The following ZNF782 variants were observed in gnomAD, a reference collection of about 807,000 sequenced individuals.
ZNF782 encodes zinc finger protein 782.
In ZNF782, 12 loss-of-function variants were observed where a neutral mutation model predicts 13.0. The ratio of observed to expected loss-of-function variants is 0.92; its 90% CI spans 0.59 to 1.50. The LOEUF is 1.50. ZNF782 is among the 40% of genes most tolerant of loss of function. The pLI, the probability that ZNF782 is intolerant of heterozygous loss-of-function variation, is 0.00. For synonymous variants in ZNF782, 284 were observed against 283.0 expected, an observed-to-expected ratio of 1.00 and a Z score of -0.04; for missense variants, 770 against 822.9, an observed-to-expected ratio of 0.94 and a Z score of 0.79.
At chr9:96,822,717 C>A (rs1850468280) in intron 5 of ZNF782, among the ~76,000 whole-genome samples, 1 of 152,070 alleles carries the variant, frequency 6.6e-6, no homozygotes, top group South Asian at 2.1e-4. Context: ...TAATATAAGA[C>A]TAAAAGTTTT....
At chr9:96,903,304 T>C in the ZNF782 span, among the ~76,000 whole-genome samples, 3 of 151,948 alleles carry the variant, frequency 2.0e-5, no homozygotes, top group African/African-American at 2.4e-5. Context: ...AATAATACAA[T>C]ATGTAAACCT....
At chr9:96,843,132 T>C (rs184753556) in intron 4 of ZNF782, among the ~76,000 whole-genome samples, 3 of 152,194 alleles carry the variant, frequency 2.0e-5, no homozygotes, top group Admixed American at 1.3e-4. Flanking sequence ...TGGGAAATAG[T>C]TTGGCACTTT....
intron 4 of ZNF782, among the ~76,000 whole-genome samples, chr9:96,827,582 T>C (rs1368719551): frequency 6.6e-6 from 1 of 152,156 alleles, no homozygotes; most frequent in African/African-American, 2.4e-5. Flanking sequence ...TACGGTGGCA[T>C]AAGCCACTGT....
chr9:96,929,787 C>T, the ZNF782 span, among the ~76,000 whole-genome samples: 2 of 152,136 alleles, frequency 1.3e-5, no homozygotes, highest in African/African-American at 4.8e-5. Flanking sequence ...TCAGCTAGCT[C>T]GTGGCCCGTC....
At chr9:96,888,236 A>G in the ZNF782 span, 1 of 152,192 alleles carries the variant, frequency 6.6e-6, no homozygotes, top group African/African-American at 2.4e-5. Flanking sequence ...ATTAACTTAA[A>G]AGTAGAAGTC....
the ZNF782 span, among the ~76,000 whole-genome samples, chr9:96,902,454 A>T: frequency 7.7e-6 from 1 of 129,802 alleles, no homozygotes; most frequent in African/African-American, 3.4e-5. Context: ...ACTGGGAATG[A>T]CTTGTCTAAT....
chr9:96,903,471 G>C, the ZNF782 span, among the ~76,000 whole-genome samples: 1 of 150,860 alleles, frequency 6.6e-6, no homozygotes, highest in South Asian at 2.1e-4. Context: ...TTCCAGTTTG[G>C]GGGTATTACA....
intron 3 of ZNF782, 79 bp from the exon 4 acceptor site, chr9:96,845,095 G>A: frequency 1.9e-6 from 3 of 1,552,512 alleles, no homozygotes; most frequent in South Asian, 2.4e-5. Context: ...AACTCATTAT[G>A]TTTACTGTTG....
upstream of ZNF782, among the ~76,000 whole-genome samples, chr9:96,877,334 C>A (rs576861533): frequency 2.6e-5 from 4 of 152,330 alleles, no homozygotes; most frequent in Non-Finnish European, 5.9e-5. Flanking sequence ...CCCCCAGATG[C>A]CGCTGCGCAG....
At chr9:96,903,556 G>GTTTT in the ZNF782 span, among the ~76,000 whole-genome samples, 660 of 75,450 alleles carry the variant, frequency 8.7e-3, 34 homozygotes, top group East Asian at 0.012. Flanking sequence ...TTTTATGTTG[G>GTTTT]TTTTTTTTTT....
downstream of ZNF782, among the ~76,000 whole-genome samples, chr9:96,816,185 G>C (rs1331155933): frequency 6.6e-6 from 1 of 152,102 alleles, no homozygotes; most frequent in Non-Finnish European, 1.5e-5. Context: ...TGGCTTCTTT[G>C]AAAAAAGGCA....
At chr9:96,887,315 A>AGGGAGGG in the ZNF782 span, 1 of 140,542 alleles carries the variant, frequency 7.1e-6, no homozygotes, top group African/African-American at 3.2e-5. Flanking sequence ...GGAAGGAAGG[A>AGGGAGGG]AGGAAGGAAG....
the ZNF782 span, chr9:96,910,173 C>G: frequency 4.8e-6 from 4 of 835,914 alleles, no homozygotes; most frequent in Non-Finnish European, 6.0e-6. Flanking sequence ...GGAAGAGACG[C>G]CCCTGCTAAC....
chr9:96,896,549 A>G, the ZNF782 span, among the ~76,000 whole-genome samples: 1 of 152,154 alleles, frequency 6.6e-6, no homozygotes, highest in African/African-American at 2.4e-5. Flanking sequence ...TATCCCTTCT[A>G]AAGTGAAGAA....
rs1851877450 is a variant in ZNF782, at chr9:96,875,093, T to C, written c.-457+375A>G. 3.3e-5 allele frequency among the ~76,000 whole-genome samples: 5 copies of C among 152,232 alleles called. No homozygotes were observed. The South Asian group carries it at 1.0e-3, about 32-fold the overall frequency. On this transcript the variant is annotated intron_variant, in intron 1 of 5. Transcript: ENST00000498811. ...GGGCTGGTTTTAGGCAGGTGTGATATTCGACAGCACCTGAGACCGGAAATA... is the reference window on the plus strand; with the variant it reads ...GGGCTGGTTTTAGGCAGGTGTGATACTCGACAGCACCTGAGACCGGAAATA...
chr9:96,907,403 A>G, the ZNF782 span, among the ~76,000 whole-genome samples: 3 of 152,258 alleles, frequency 2.0e-5, no homozygotes, highest in South Asian at 6.2e-4. Context: ...AAGACGAAAA[A>G]GTTCTGGAAA....
chr9:96,831,751 A>C lies in ZNF782; in HGVS notation c.143-4570T>G, dbSNP rs535523058. ...AAATTGCTGTCTTCTTGGCAGACTG[A>C]CATGTAACATCACTCTGTTACCAAT... On this transcript the variant is annotated intron_variant, in intron 4 of 5. Transcript: ENST00000481138. Among the ~76,000 whole-genome samples the C allele has an allele frequency of 2.0e-5, 3 of 151,850 alleles. No individual in the cohort carries two copies. The East Asian group carries it at 5.8e-4, about 29-fold the overall frequency.
intron 5 of ZNF782, among the ~76,000 whole-genome samples, chr9:96,823,974 T>TA (rs1850514153): frequency 6.6e-6 from 1 of 152,134 alleles, no homozygotes; most frequent in African/African-American, 2.4e-5. Context: ...CTACCAGAGA[T>TA]ACAAGGAGGA....
upstream of ZNF782, among the ~76,000 whole-genome samples, chr9:96,877,762 G>A (rs1323044068): frequency 1.3e-5 from 2 of 152,322 alleles, no homozygotes; most frequent in South Asian, 2.1e-4. Context: ...TTCATCAGAC[G>A]GAATTTTCCG....
Sources: gnomAD v4.1 joint callset for allele counts (sites outside exome capture counted in the v4.1 genomes callset) on GRCh38, gnomAD v4.1.1 for gene constraint, MANE v1.5 for transcripts, NCBI Gene and HGNC (gene_info 2026-07-23, HGNC 2026-07-21) for gene names.